YY1: variants seen among roughly 807,000 people sequenced by gnomAD.
YY1 encodes YY1 transcription factor.
Under a neutral mutation model 35.6 loss-of-function variants are expected in YY1, and 2 were observed. The observed-to-expected ratio is 0.06, with a 90% CI of 0.02 to 0.18. YY1 has a LOEUF of 0.18. YY1 is among the 10% of genes least tolerant of loss of function. The probability of loss-of-function intolerance (pLI) is 1.00; values close to 1 mark genes in which losing one functional copy is unlikely to be tolerated. For synonymous variants in YY1, 268 were observed against 238.9 expected, an observed-to-expected ratio of 1.12 and a Z score of -1.12; for missense variants, 322 against 573.4, an observed-to-expected ratio of 0.56 and a Z score of 4.48.
chr14:100,241,954 GA>G (rs527382045), intron 1 of YY1, among the ~76,000 whole-genome samples: 59 of 124,432 alleles, frequency 4.7e-4, no homozygotes, highest in African/African-American at 1.7e-3. Flanking sequence ...CAGCCTGGGT[GA>G]CAGAGCGAGA....
rs1307377090 is a variant in YY1, at chr14:100,278,506, A to G, written c.*906A>G. On this transcript the variant is annotated 3_prime_UTR_variant, in exon 5 of 5. Transcript: ENST00000262238. ...GAACAAGATCTGTAAGCACAGTCTTATTTTCTTTTGTTGTCCAGAATACTT... is the reference window on the plus strand; with the variant it reads ...GAACAAGATCTGTAAGCACAGTCTTGTTTTCTTTTGTTGTCCAGAATACTT... 1 of 152,486 alleles carries G rather than the reference A, an allele frequency of 6.6e-6. No homozygotes were observed. The highest frequency in any genetic ancestry group is 1.5e-5 in the Non-Finnish European group (1 of 68,020). 9.4% of individuals were successfully genotyped at this position (152,486 alleles called of 1,614,324 possible).
intron 1 of YY1, among the ~76,000 whole-genome samples, chr14:100,255,812 C>T (rs991715283): frequency 6.6e-6 from 1 of 152,200 alleles, no homozygotes; most frequent in Non-Finnish European, 1.5e-5. Context: ...TTTCTTTAGA[C>T]AGAGCTAGTT....
intron 2 of YY1, among the ~76,000 whole-genome samples, chr14:100,269,211 C>T (rs1448422580): frequency 6.6e-6 from 1 of 152,160 alleles, no homozygotes; most frequent in African/African-American, 2.4e-5. Flanking sequence ...AGAATGAACT[C>T]ATTTTTAGCT....
chr14:100,263,018 C>T (rs1014621809), intron 2 of YY1, among the ~76,000 whole-genome samples: 8 of 152,174 alleles, frequency 5.3e-5, no homozygotes, highest in African/African-American at 1.7e-4. Flanking sequence ...AGCGATTCTC[C>T]TGCCTCAGCC....
chr14:100,239,241 A>G lies in YY1; in HGVS notation c.-4A>G, dbSNP rs1236784370. On this transcript the variant is annotated 5_prime_UTR_variant, in exon 1 of 5. Transcript: ENST00000262238. ...CCGCGGCCGTGGCGGCGGAGCCCTC[A>G]GCCATGGCCTCGGGCGACACCCTCT... The G allele has an allele frequency of 1.3e-6, 2 of 1,492,480 alleles. No individual in the cohort carries two copies. Among genetic ancestry groups the G allele is most frequent in the South Asian group, 1.2e-5 (1 of 82,700 alleles). 92.5% of individuals were successfully genotyped at this position (1,492,480 alleles called of 1,614,324 possible). A position where few individuals can be genotyped will look rare whatever the true frequency, so the allele number is the denominator to read the frequency against.
At position 100,239,508 on chromosome 14, in the gene YY1, G is replaced by A; in HGVS notation, c.264G>A (p.Pro88=). The part of the protein sequence containing the change: ...HHHPPMIALQ[P]LVTDDPTQVH... ...ACCCGCCCATGATCGCTCTGCAGCC[G>A]CTGGTCACCGACGACCCGACCCAGG... The change falls in exon 1 of 5, where the codon CCG becomes CCA. Residue 88 remains proline (P), a synonymous_variant. Transcript: ENST00000262238. 4 of 1,610,812 alleles carry A rather than the reference G, an allele frequency of 2.5e-6. No individual in the cohort carries two copies. The highest frequency in any genetic ancestry group is 1.7e-5 in the Admixed American group (1 of 59,894).
Position 100,276,552 on chromosome 14 carries a change from C to T in YY1, c.966C>T (p.Pro322=), listed in dbSNP as rs562516137. The part of the protein sequence containing the change: ...AMRKHLHTHG[P]RVHVCAECGK... ...GAAAACATCTGCACACCCACGGTCCCAGAGTCCACGTCTGTGCAGAATGTG... is the reference window on the plus strand; with the variant it reads ...GAAAACATCTGCACACCCACGGTCCTAGAGTCCACGTCTGTGCAGAATGTG... The change falls in exon 4 of 5, where the codon CCC becomes CCT. Residue 322 remains proline, a synonymous_variant. Transcript: ENST00000262238. The surrounding 1 kb of genome is among the most constrained non-coding windows in gnomAD (Gnocchi z 4.1). The T allele has an allele frequency of 2.5e-4, 411 of 1,614,226 alleles. 3 individuals are homozygous for T. In the South Asian group the frequency reaches 4.1e-3, roughly 16 times the overall value.
chr14:100,262,647 C>T (rs997755340), intron 2 of YY1, among the ~76,000 whole-genome samples, 181 bp downstream of exon 2: 2 of 152,126 alleles, frequency 1.3e-5, no homozygotes, highest in Admixed American at 6.6e-5. Context: ...GATGGAGCCT[C>T]GCTCTGTTGC....
Position 100,257,797 on chromosome 14 carries a change from TTCA to T in YY1, c.680-4503_680-4501del, listed in dbSNP as rs141214438. Among the ~76,000 whole-genome samples the T allele has an allele frequency of 7.3e-3, 1,106 of 152,312 alleles. 13 individuals are homozygous for T. The highest frequency in any genetic ancestry group is 0.025 in the African/African-American group (1,059 of 41,572). On this transcript the variant is annotated intron_variant, in intron 1 of 4. Transcript: ENST00000262238. ...AGCAGCCCAAATGGATTAAGACACT[TTCA>T]TCAGTAGCTTATTCAGAGTAGCACT...
chr14:100,257,103 G>A (rs1157138329), intron 1 of YY1, among the ~76,000 whole-genome samples: 1 of 152,104 alleles, frequency 6.6e-6, no homozygotes, highest in Non-Finnish European at 1.5e-5. Flanking sequence ...GTTCTCTTTA[G>A]ACAGAGCTAG....
chr14:100,270,796 G>A (rs931314805), intron 2 of YY1, among the ~76,000 whole-genome samples: 1 of 152,104 alleles, frequency 6.6e-6, no homozygotes, highest in Admixed American at 6.6e-5. Context: ...ATGTTTCCAA[G>A]GAGTCCTAGG....
rs576505331 is a variant in YY1, at chr14:100,239,731, G to A, written c.487G>A (p.Gly163Ser). Residue 163 changes from glycine to serine, a missense_variant, in exon 1 of 5, where the codon GGC becomes AGC. Around this residue, in one of 4 missense-constraint regions of YY1, gnomAD observed 152 missense variants for 167.1 expected, o/e 0.91. Transcript: ENST00000262238. Reference protein sequence around the residue: ...VAAAGKSGGGGSSSSGGGRVK... With the variant: ...VAAAGKSGGGSSSSSGGGRVK... Reference sequence around the variant, plus strand: ...GGCGGCCGGCAAGAGCGGCGGCGGCGGCTCGTCGTCGTCGGGAGGCGGCCG... The same window carrying A: ...GGCGGCCGGCAAGAGCGGCGGCGGCAGCTCGTCGTCGTCGGGAGGCGGCCG... The A allele has an allele frequency of 9.0e-5, 143 of 1,594,284 alleles. 3 individuals carry two copies. The South Asian group carries it at 1.6e-3, about 17-fold the overall frequency.
chr14:100,250,098 C>A (rs560577151), intron 1 of YY1, among the ~76,000 whole-genome samples: 1 of 152,188 alleles, frequency 6.6e-6, no homozygotes, highest in African/African-American at 2.4e-5. Flanking sequence ...AGATACATTG[C>A]TTGTCATTTC....
intron 1 of YY1, among the ~76,000 whole-genome samples, chr14:100,249,142 CAG>C (rs1327683950): frequency 2.5e-4 from 16 of 63,050 alleles, no homozygotes; most frequent in African/African-American, 5.5e-4. Context: ...TTTTGGGAGA[CAG>C]AGTTTTGCTC....
chr14:100,253,721 G>T (rs949061122), intron 1 of YY1, among the ~76,000 whole-genome samples: 1 of 151,718 alleles, frequency 6.6e-6, no homozygotes, highest in Non-Finnish European at 1.5e-5. Flanking sequence ...TCCTGGCCTC[G>T]GGTGATCCGC....
At chr14:100,273,017 A>T (rs1325146710) in intron 2 of YY1, among the ~76,000 whole-genome samples, 1 of 142,082 alleles carries the variant, frequency 7.0e-6, no homozygotes, top group Non-Finnish European at 1.5e-5. Flanking sequence ...GCTGGAGTGC[A>T]GTGGCACGAT....
At position 100,278,220 on chromosome 14, in the gene YY1, G is replaced by A. The variant is rs1004695765; in HGVS notation, c.*620G>A. 2.0e-5 allele frequency: 3 copies of A among 153,664 alleles called. No homozygotes were observed. The highest frequency in any genetic ancestry group is 6.5e-5 in the Admixed American group (1 of 15,424). The allele number at this position is 153,664 out of a possible 1,614,324, so 9.5% of individuals were successfully genotyped here. A position where few individuals can be genotyped will look rare whatever the true frequency, so the allele number is the denominator to read the frequency against. On this transcript the variant is annotated 3_prime_UTR_variant, in exon 5 of 5. Coordinates refer to ENST00000262238, the MANE Select transcript of YY1 (RefSeq NM_003403.5). ...TTAACACATTTTGTATAATTGTATC[G>A]TATAGCTGTATTGAATCATGTAGTA... is the stretch of plus-strand genomic sequence containing the variant.
chr14:100,242,771 C>CA (rs764892773), intron 1 of YY1, among the ~76,000 whole-genome samples: 3 of 147,924 alleles, frequency 2.0e-5, no homozygotes, highest in African/African-American at 2.5e-5. Flanking sequence ...TAATTTGAGA[C>CA]AGAGTCTTGC....
intron 2 of YY1, among the ~76,000 whole-genome samples, chr14:100,270,285 AAAAAATT>A (rs1891217450): frequency 1.4e-5 from 2 of 145,194 alleles, no homozygotes; most frequent in South Asian, 4.3e-4. Flanking sequence ...AAAAAAAAAA[AAAAAATT>A]AAGTTACTAG....
Sources: allele counts gnomAD v4.1 joint callset (sites outside exome capture counted in the v4.1 genomes callset), GRCh38; gene constraint gnomAD v4.1.1; regional missense constraint gnomAD v4.1.1; non-coding constraint Gnocchi (gnomAD v3.1); transcripts MANE v1.5; gene names NCBI Gene and HGNC (gene_info 2026-07-23, HGNC 2026-07-21).